ARHGAP42: variants seen among roughly 807,000 people sequenced by gnomAD.
The protein encoded by ARHGAP42 is Rho GTPase activating protein 42.
Under a neutral mutation model 125.0 loss-of-function variants are expected in ARHGAP42, and 63 were observed. That is an observed-to-expected ratio of 0.50 (90% CI 0.41 to 0.62). The LOEUF (loss-of-function observed/expected upper bound fraction) is 0.62, where lower values mean the gene tolerates loss of function less well. Ranked by LOEUF, ARHGAP42 falls within the 20% of genes least tolerant of loss-of-function variation. ARHGAP42 has a pLI of 0.00. For missense variants in ARHGAP42, 766 were observed against 1,024.2 expected (o/e 0.75, Z 3.44); for synonymous variants, 339 against 351.0 (o/e 0.97, Z 0.38).
chr11:100,951,733 A>C (rs1857655217), intron 12 of ARHGAP42, among the ~76,000 whole-genome samples: 2 of 152,204 alleles, frequency 1.3e-5, no homozygotes, highest in Admixed American at 1.3e-4. Context: ...CTGCAGTGTC[A>C]GCCACCAGAA....
At chr11:100,846,960 G>A (rs1424770833) in intron 3 of ARHGAP42, among the ~76,000 whole-genome samples, 2 of 152,102 alleles carry the variant, frequency 1.3e-5, no homozygotes, top group African/African-American at 4.8e-5. Flanking sequence ...ATGGCACCAG[G>A]TTCAAGCAGC....
At chr11:100,956,996 A>G (rs1392010206) in intron 12 of ARHGAP42, among the ~76,000 whole-genome samples, 11 of 152,144 alleles carry the variant, frequency 7.2e-5, no homozygotes, top group Admixed American at 7.2e-4. Flanking sequence ...TTCTCTAGTC[A>G]ATAATAATGA....
intron 3 of ARHGAP42, among the ~76,000 whole-genome samples, chr11:100,858,755 T>C (rs1323386525): frequency 6.6e-6 from 1 of 152,130 alleles, no homozygotes; most frequent in Non-Finnish European, 1.5e-5. Flanking sequence ...GTTGTCATAG[T>C]GGTAGAACAA....
intron 3 of ARHGAP42, among the ~76,000 whole-genome samples, chr11:100,837,635 C>T (rs1864824072): frequency 7.3e-6 from 1 of 136,136 alleles, no homozygotes; most frequent in Non-Finnish European, 1.5e-5. Flanking sequence ...CCCGGAAATT[C>T]ACAGGCAGTT....
At chr11:100,714,119 A>G (rs1412049555) in intron 1 of ARHGAP42, among the ~76,000 whole-genome samples, 4 of 152,216 alleles carry the variant, frequency 2.6e-5, no homozygotes, top group Non-Finnish European at 2.9e-5. Flanking sequence ...GTAAACCGTA[A>G]TGGGCAGAAT....
At chr11:100,833,777 C>G (rs1053407071) in intron 3 of ARHGAP42, among the ~76,000 whole-genome samples, 4 of 152,084 alleles carry the variant, frequency 2.6e-5, no homozygotes, top group Non-Finnish European at 5.9e-5. Context: ...ACCATTGTTT[C>G]ATATATGTTA....
rs1858768790 is a variant in ARHGAP42 at position 100,989,254 on chromosome 11, T to C, written c.*453T>C. 2.5e-6 allele frequency: 1 copy of C among 397,278 alleles called. No individual in the cohort carries two copies. Among genetic ancestry groups the C allele is most frequent in the Admixed American group, 4.4e-5 (1 of 22,768 alleles). 24.6% of individuals were successfully genotyped at this position (397,278 alleles called of 1,614,324 possible). Reference sequence around the variant, plus strand: ...TGTTCATTTATTGTTTTTTTTTTCTTAGAAATATACTGCTTTTATATATGA... The same window carrying C: ...TGTTCATTTATTGTTTTTTTTTTCTCAGAAATATACTGCTTTTATATATGA... On this transcript the variant is annotated 3_prime_UTR_variant, in exon 24 of 24. Coordinates refer to ENST00000298815, the MANE Select transcript of ARHGAP42 (RefSeq NM_152432.4).
At chr11:100,794,075 CAAAAAAAAAAAAAAAAAAAAAA>C (rs869272420) in intron 2 of ARHGAP42, among the ~76,000 whole-genome samples, 5 of 44,844 alleles carry the variant, frequency 1.1e-4, no homozygotes, top group East Asian at 1.4e-3. Flanking sequence ...GACCCTGTCT[CAAAAAAAAAAAAAAAAAAAAAA>C]AAAAAAAAAA....
At chr11:100,763,495 T>G (rs1258269538) in intron 1 of ARHGAP42, among the ~76,000 whole-genome samples, 1 of 151,936 alleles carries the variant, frequency 6.6e-6, no homozygotes, top group South Asian at 2.1e-4. Flanking sequence ...TTTTTAAAAA[T>G]TTATTTATTT....
chr11:100,982,188 A>G (rs545809011), intron 22 of ARHGAP42, among the ~76,000 whole-genome samples: 1 of 152,340 alleles, frequency 6.6e-6, no homozygotes, highest in East Asian at 1.9e-4. Flanking sequence ...AGGCATGACC[A>G]ACAGTGGTAG....
intron 3 of ARHGAP42, among the ~76,000 whole-genome samples, chr11:100,824,147 G>A (rs983638827): frequency 1.3e-5 from 2 of 152,094 alleles, no homozygotes; most frequent in Admixed American, 6.6e-5. Context: ...CCCACCCACC[G>A]GCAGCATGTG....
chr11:100,977,247 A>G (rs942637612), intron 21 of ARHGAP42, among the ~76,000 whole-genome samples: 2 of 152,212 alleles, frequency 1.3e-5, no homozygotes, highest in Non-Finnish European at 1.5e-5. Flanking sequence ...ACTGATGTAT[A>G]ATACAGTAGT....
chr11:100,902,873 A>G (rs538572425), intron 4 of ARHGAP42, among the ~76,000 whole-genome samples: 25 of 152,268 alleles, frequency 1.6e-4, no homozygotes, highest in Admixed American at 6.5e-4. Flanking sequence ...TTCTTGTTCC[A>G]TGGGGTGAAT....
intron 4 of ARHGAP42, among the ~76,000 whole-genome samples, chr11:100,878,659 G>A (rs769339450): frequency 7.2e-5 from 11 of 152,134 alleles, no homozygotes; most frequent in Admixed American, 3.3e-4. Flanking sequence ...GGGGACATGC[G>A]GAGATTAGAA....
chr11:100,897,549 C>T (rs585288), intron 4 of ARHGAP42, among the ~76,000 whole-genome samples: 66,764 of 151,624 alleles, frequency 0.44, 16,143 homozygotes, highest in African/African-American at 0.62. Context: ...TTGAAGAGGT[C>T]CTTCACATCC....
intron 4 of ARHGAP42, among the ~76,000 whole-genome samples, chr11:100,894,870 T>G (rs534676932): frequency 4.0e-4 from 61 of 152,326 alleles, no homozygotes; most frequent in Non-Finnish European, 7.8e-4. Flanking sequence ...TAACTGTTGA[T>G]ATTCCTACCG....
At chr11:100,967,524 C>T (rs568088147) in intron 17 of ARHGAP42, among the ~76,000 whole-genome samples, 1 of 152,062 alleles carries the variant, frequency 6.6e-6, no homozygotes, top group Non-Finnish European at 1.5e-5. Flanking sequence ...ATTTGCCAAT[C>T]GATGTTTTTA....
At chr11:100,974,723 T>C in intron 19 of ARHGAP42, 120 bp downstream of exon 19, 1 of 1,038,718 alleles carries the variant, frequency 9.6e-7, no homozygotes, top group South Asian at 2.7e-5. Context: ...CCCCAACACC[T>C]CCTCTTTTAT....
chr11:100,765,610 T>C lies in ARHGAP42; in HGVS notation c.155-4733T>C, dbSNP rs141928050. Reference sequence around the variant, plus strand: ...GTTGTTATTAATCTCTGTCAGAGAATTTATCGATTGCCCTCTGTTATGATT... The same window carrying C: ...GTTGTTATTAATCTCTGTCAGAGAACTTATCGATTGCCCTCTGTTATGATT... On this transcript the variant is annotated intron_variant, in intron 1 of 23. Coordinates refer to ENST00000298815, the MANE Select transcript of ARHGAP42 (RefSeq NM_152432.4). Among the ~76,000 whole-genome samples the C allele has an allele frequency of 1.7e-4, 26 of 152,342 alleles. No homozygotes were observed. In the East Asian group the frequency reaches 5.0e-3, roughly 29 times the overall value.
Sources: gnomAD v4.1 joint callset for allele counts (sites outside exome capture counted in the v4.1 genomes callset) on GRCh38, gnomAD v4.1.1 for gene constraint, MANE v1.5 for transcripts, NCBI Gene and HGNC (gene_info 2026-07-23, HGNC 2026-07-21) for gene names.